The following MERTK variants were observed in gnomAD, a reference collection of about 807,000 sequenced individuals.
MERTK encodes the protein MER proto-oncogene, tyrosine kinase.
MERTK carries 69 observed loss-of-function variants against 99.3 expected under a neutral mutation model. That is an observed-to-expected ratio of 0.70 (90% CI 0.57 to 0.85). MERTK has a LOEUF of 0.85. Ranked by LOEUF, MERTK falls within the 40% of genes least tolerant of loss-of-function variation. The pLI is 0.00. For synonymous variants in MERTK, 426 were observed against 467.6 expected, an observed-to-expected ratio of 0.91 and a Z score of 1.15; for missense variants, 1,125 against 1,249.4, an observed-to-expected ratio of 0.90 and a Z score of 1.50.
chr2:111,901,938 G>A (rs1038463005), intron 1 of MERTK, among the ~76,000 whole-genome samples: 3 of 152,128 alleles, frequency 2.0e-5, no homozygotes, highest in Non-Finnish European at 4.4e-5. Flanking sequence ...AGGCTAGAGT[G>A]CAATGGCACA....
intron 9 of MERTK, 68 bp downstream of exon 9, chr2:111,994,472 G>C: frequency 6.3e-7 from 1 of 1,585,656 alleles, no homozygotes; most frequent in Non-Finnish European, 8.7e-7. Flanking sequence ...TTGCCAGAAA[G>C]TAACCTGGGG....
At chr2:111,987,474 G>C (rs1676505645) in intron 8 of MERTK, among the ~76,000 whole-genome samples, 1 of 152,144 alleles carries the variant, frequency 6.6e-6, no homozygotes, top group African/African-American at 2.4e-5. Flanking sequence ...GGCAGGTCTT[G>C]CTCGTCTTTG....
chr2:111,929,280 TACAGGAAACGTAGCCATTCCC>T lies in MERTK; in HGVS notation c.223_243del (p.Thr75_Pro81del). The T allele has an allele frequency of 6.2e-7, 1 of 1,614,216 alleles. No individual in the cohort carries two copies. The highest frequency in any genetic ancestry group is 2.2e-5 in the East Asian group (1 of 44,882). ...CACCAACCCAGCCTGGAAGACCACATACAGGAAACGTAGCCATTCCCCAGGTGACCTCTGTCGAATCAAAGC... is the reference window on the plus strand; with the variant it reads ...CACCAACCCAGCCTGGAAGACCACATCAGGTGACCTCTGTCGAATCAAAGC... On this transcript the variant is annotated inframe_deletion, in exon 2 of 19. Transcript: ENST00000295408.
chr2:112,015,675 T>G (rs1018444539), intron 15 of MERTK: 25 of 152,298 alleles, frequency 1.6e-4, no homozygotes, highest in African/African-American at 5.8e-4. Context: ...TTAATTTTGA[T>G]AAAGCCCAAT....
intron 4 of MERTK, among the ~76,000 whole-genome samples, chr2:111,954,920 A>T (rs963829862): frequency 6.6e-6 from 1 of 151,942 alleles, no homozygotes; most frequent in African/African-American, 2.4e-5. Flanking sequence ...TTTTTAATTA[A>T]TTTTTTTTTA....
chr2:111,961,161 T>C (rs1408868414), intron 4 of MERTK, among the ~76,000 whole-genome samples: 5 of 139,548 alleles, frequency 3.6e-5, no homozygotes, highest in African/African-American at 5.4e-5. Flanking sequence ...TCTTTCTTTT[T>C]TTTTTTTTTT....
chr2:111,979,969 G>A (rs886108651), intron 7 of MERTK, among the ~76,000 whole-genome samples: 1 of 152,178 alleles, frequency 6.6e-6, no homozygotes, highest in African/African-American at 2.4e-5. Context: ...CTATGGAAGA[G>A]TGAAGAATCA....
chr2:111,934,778 A>G (rs1684734944), intron 2 of MERTK, among the ~76,000 whole-genome samples: 1 of 152,182 alleles, frequency 6.6e-6, no homozygotes, highest in Admixed American at 6.5e-5. Flanking sequence ...TGTTTTCATC[A>G]TAAAGTCTTT....
At chr2:112,002,749 A>C (rs933035585) in intron 11 of MERTK, among the ~76,000 whole-genome samples, 4 of 152,158 alleles carry the variant, frequency 2.6e-5, no homozygotes, top group African/African-American at 7.2e-5. Context: ...CGAGGTGGGT[A>C]GATCACTTGA....
intron 18 of MERTK, among the ~76,000 whole-genome samples, chr2:112,022,807 A>T (rs1309526476): frequency 6.6e-6 from 1 of 151,948 alleles, no homozygotes; most frequent in Non-Finnish European, 1.5e-5. Flanking sequence ...CATTTCAAAC[A>T]CTCCACTCAC....
In MERTK at chr2:112,010,025, C is replaced by T; in HGVS notation, c.2038C>T (p.His680Tyr). The part of the protein sequence containing the change: ...ILPFMKYGDL[H>Y]TYLLYSRLET... ...ACCCTTCATGAAATACGGGGACCTG[C>T]ATACTTACTTACTTTATTCCCGATT... The change falls in exon 15 of 19, where the codon CAT becomes TAT. Residue 680 changes from histidine to tyrosine, a missense_variant. By Grantham distance (83) the His-to-Tyr change is moderately conservative. Coordinates refer to ENST00000295408, the MANE Select transcript of MERTK (RefSeq NM_006343.3). The T allele has an allele frequency of 1.2e-6, 2 of 1,613,828 alleles. No homozygotes were observed. The highest frequency in any genetic ancestry group is 1.7e-6 in the Non-Finnish European group (2 of 1,179,724).
At chr2:111,975,581 C>T (rs1454523193) in intron 7 of MERTK, 109 bp downstream of exon 7, 1 of 1,203,392 alleles carries the variant, frequency 8.3e-7, no homozygotes. Context: ...TGGACTTTGT[C>T]TCTGGAGGAG....
At chr2:111,958,271 G>A (rs1218329925) in intron 4 of MERTK, among the ~76,000 whole-genome samples, 7 of 152,096 alleles carry the variant, frequency 4.6e-5, no homozygotes, top group Non-Finnish European at 7.4e-5. Context: ...TAAATGTCAA[G>A]GTCTATTCCA....
chr2:111,999,308 TA>T lies in MERTK; in HGVS notation c.1604+1833del, dbSNP rs1467721406. On this transcript the variant is annotated intron_variant, in intron 10 of 18. Coordinates refer to ENST00000295408, the MANE Select transcript of MERTK (RefSeq NM_006343.3). ...TCATTTTTTATTTTTAAAATTAATT[TA>T]TTTTTTTGAGACAGGATCTTGCTCT... Among the ~76,000 whole-genome samples, 3 of 152,196 alleles carry T rather than the reference TA, an allele frequency of 2.0e-5. 1 individual carries two copies. The highest frequency in any genetic ancestry group is 2.0e-4 in the Admixed American group (3 of 15,286).
At chr2:111,908,084 G>A (rs550774739) in intron 1 of MERTK, among the ~76,000 whole-genome samples, 11 of 152,322 alleles carry the variant, frequency 7.2e-5, no homozygotes, top group African/African-American at 2.6e-4. Flanking sequence ...CATCCCAGGA[G>A]GGGTATGTAT....
At chr2:111,944,579 T>C (rs1684929612) in intron 2 of MERTK, among the ~76,000 whole-genome samples, 1 of 928 alleles carries the variant, frequency 1.1e-3, no homozygotes, top group Middle Eastern at 0.12. Context: ...AACAGGGTGT[T>C]GGGTGGAGAC....
chr2:112,022,887 T>C (rs1283654680), intron 18 of MERTK, among the ~76,000 whole-genome samples: 5 of 152,140 alleles, frequency 3.3e-5, no homozygotes, highest in African/African-American at 9.7e-5. Flanking sequence ...CTCATCAGAA[T>C]CGCTTGGGAG....
chr2:111,994,112 T>C (rs1014564282), intron 8 of MERTK, 139 bp from the exon 9 acceptor site: 1 of 1,014,538 alleles, frequency 9.9e-7, no homozygotes, highest in African/African-American at 1.6e-5. Flanking sequence ...ATGGCCTGAG[T>C]GACAAAGGAA....
At chr2:111,941,146 A>C in intron 2 of MERTK, 1 of 344,550 alleles carries the variant, frequency 2.9e-6, no homozygotes, top group East Asian at 6.6e-5. Context: ...TCTTTTTCCT[A>C]CCTTCACCTT....
Sources: allele counts gnomAD v4.1 joint callset (sites outside exome capture counted in the v4.1 genomes callset), GRCh38; gene constraint gnomAD v4.1.1; transcripts MANE v1.5; gene names NCBI Gene and HGNC (gene_info 2026-07-23, HGNC 2026-07-21).